The following LIPE variants were observed in gnomAD, a reference collection of about 807,000 sequenced individuals.
LIPE encodes lipase E, hormone sensitive type, also known as hormone-sensitive lipase.
LIPE carries 66 observed loss-of-function variants against 88.5 expected under a neutral mutation model. That is an observed-to-expected ratio of 0.75 (90% CI 0.61 to 0.91). LIPE has a LOEUF of 0.91. Among genes scored for constraint, LIPE ranks in the 40% least tolerant of loss-of-function variants. The pLI is 0.00. For missense variants in LIPE, 1,346 were observed against 1,434.7 expected (o/e 0.94, Z 1.00); for synonymous variants, 570 against 617.5 (o/e 0.92, Z 1.14).
chr19:42,412,695 T>C, intron 1 of LIPE: 1 of 386,316 alleles, frequency 2.6e-6, no homozygotes, highest in Non-Finnish European at 3.5e-6. Context: ...CCTTCATCCT[T>C]TAGGACCCAG....
intron 1 of LIPE, chr19:42,424,174 C>A: frequency 9.0e-7 from 1 of 1,116,010 alleles, no homozygotes; most frequent in Non-Finnish European, 1.2e-6. Flanking sequence ...CCTCTGTCTC[C>A]GCCCCCTAAT....
intron 7 of LIPE, 183 bp downstream of exon 7, chr19:42,405,974 TCTCA>T (rs1428933651): frequency 4.5e-4 from 218 of 481,296 alleles, no homozygotes; most frequent in Middle Eastern, 6.0e-4. Flanking sequence ...TCTCTCTCTC[TCTCA>T]CACACACACA....
Position 42,408,182 on chromosome 19 carries a change from G to A in LIPE, c.1510+50C>T. On this transcript the variant is annotated intron_variant, in intron 3 of 9. Transcript: ENST00000244289. This position sits in a 1 kb window ranked among gnomAD's most constrained non-coding sequence, Gnocchi z 4.3. ...GGTCAGGCTGCTTGGGCAGGAGTGG[G>A]GAGGAGGGCCAAGAGAGTAGGCTGC... 1.2e-6 allele frequency: 2 copies of A among 1,613,828 alleles called. No homozygotes were observed. The highest frequency in any genetic ancestry group is 1.7e-6 in the Non-Finnish European group (2 of 1,179,818).
chr19:42,401,981 T>A lies in LIPE; in HGVS notation c.3062A>T (p.Asp1021Val). 7 of 1,555,330 alleles carry A rather than the reference T, an allele frequency of 4.5e-6. No homozygotes were observed. The highest frequency in any genetic ancestry group is 2.4e-5 in the South Asian group (2 of 84,420). ...GQPVTLRVVE[D>V]LPHGFLTLAA... ...TAGGGTCAGGAAGCCGTGCGGCAGG[T>A]CCTCCACCACGCGCAGCGTCACCGG... Residue 1021 changes from aspartate to valine, a missense_variant, in exon 10 of 10, where the codon GAC (aspartate) becomes GTC (valine). By Grantham distance (152) the Asp-to-Val change is radical. Transcript: ENST00000244289.
rs916430169 is a variant in LIPE at position 42,413,398 on chromosome 19, G to T, written c.884-2556C>A. Among the ~76,000 whole-genome samples, 3 of 152,248 alleles carry T rather than the reference G, an allele frequency of 2.0e-5. No homozygotes were observed. In the South Asian group the frequency reaches 6.2e-4, roughly 31 times the overall value. On this transcript the variant is annotated intron_variant, in intron 1 of 9. Coordinates refer to ENST00000244289, the MANE Select transcript of LIPE (RefSeq NM_005357.4). ...TTAGGGCCTTGGGCCAGGCGTGGTGGCTCACGCCTGTAATCCCAGCATTTT... is the reference window on the plus strand; with the variant it reads ...TTAGGGCCTTGGGCCAGGCGTGGTGTCTCACGCCTGTAATCCCAGCATTTT...
chr19:42,407,247 C>T lies in LIPE; in HGVS notation c.2064G>A (p.Glu688=). 1 of 1,592,620 alleles carries T rather than the reference C, an allele frequency of 6.3e-7. No individual in the cohort carries two copies. Among genetic ancestry groups the T allele is most frequent in the Non-Finnish European group, 8.5e-7 (1 of 1,169,716 alleles). ...CCTCCAGCGCACGGGGGAAGGGGGC[C>T]TCAGGGGCCAGGGAGTAGTCGATGG... ...IISIDYSLAP[E]APFPRALEEC... The change falls in exon 6 of 10, where the codon GAG becomes GAA. Residue 688 remains glutamate (E), a synonymous_variant. Transcript: ENST00000244289. The surrounding 1 kb of genome is among the most constrained non-coding windows in gnomAD (Gnocchi z 5.8).
intron 1 of LIPE, among the ~76,000 whole-genome samples, chr19:42,420,700 C>T (rs1411240974): frequency 6.6e-6 from 1 of 152,128 alleles, no homozygotes; most frequent in Admixed American, 6.5e-5. Flanking sequence ...CAGGCGGTAG[C>T]ATCATTACCT....
At chr19:42,419,204 G>C (rs1438192253) in intron 1 of LIPE, among the ~76,000 whole-genome samples, 1 of 152,170 alleles carries the variant, frequency 6.6e-6, no homozygotes, top group Non-Finnish European at 1.5e-5. Flanking sequence ...CTTGAACCTG[G>C]GAGGCAGAGG....
chr19:42,420,659 T>A (rs1036755121), intron 1 of LIPE, among the ~76,000 whole-genome samples: 2 of 151,966 alleles, frequency 1.3e-5, no homozygotes, highest in African/African-American at 4.8e-5. Context: ...ACCTGGCCCT[T>A]CTCCCCACCT....
intron 1 of LIPE, among the ~76,000 whole-genome samples, chr19:42,421,604 C>G (rs1568612553): frequency 6.6e-6 from 1 of 152,216 alleles, no homozygotes; most frequent in Non-Finnish European, 1.5e-5. Flanking sequence ...AGTTTGGGCC[C>G]ACAGCAGTTG....
intron 1 of LIPE, chr19:42,412,477 A>T: frequency 1.0e-6 from 1 of 985,878 alleles, no homozygotes; most frequent in Non-Finnish European, 1.2e-6. Context: ...CCCAGGGTGT[A>T]GCCGCACAAG....
rs992266232 is a variant in LIPE at position 42,426,378 on chromosome 19, C to T, written c.772G>A (p.Val258Met). The T allele has an allele frequency of 1.5e-5, 24 of 1,614,084 alleles. No individual in the cohort carries two copies. Among genetic ancestry groups the T allele is most frequent in the Non-Finnish European group, 2.0e-5 (24 of 1,179,980 alleles). The change falls in exon 1 of 10, where the codon GTG becomes ATG. Residue 258 changes from valine to methionine, a missense_variant. Val to Met is a conservative substitution (Grantham distance 21). Transcript: ENST00000244289. ...GATTTTCCTTTGAAGCCTAGCTTCA[C>T]TCCCTGGGCCACCATTCCACCCATC... is the stretch of plus-strand genomic sequence containing the variant. The part of the protein sequence containing the change: ...ATMGGMVAQG[V>M]KLGFKGKSGY...
Position 42,408,045 on chromosome 19 carries a change from C to T in LIPE, c.1587G>A (p.Arg529=). 6.2e-7 allele frequency: 1 copy of T among 1,613,908 alleles called. No homozygotes were observed. The change falls in exon 4 of 10, where the codon CGG becomes CGA. Residue 529 remains arginine, a synonymous_variant. Coordinates refer to ENST00000244289, the MANE Select transcript of LIPE (RefSeq NM_005357.4). The surrounding 1 kb of genome is among the most constrained non-coding windows in gnomAD (Gnocchi z 4.3). ...AGTGCACGTCCAGGTTCTGTGTGAT[C>T]CGCTCAAACTCAGCCCCACGCAGCT... is the stretch of plus-strand genomic sequence containing the variant. ...DPELRGAEFE[R]ITQNLDVHFW... is the part of the protein sequence containing the mutation.
intron 1 of LIPE, chr19:42,424,164 C>T (rs908279449): frequency 6.1e-6 from 7 of 1,139,528 alleles, no homozygotes; most frequent in East Asian, 5.9e-5. Flanking sequence ...GATCTTTCTC[C>T]CTCTGTCTCC....
At chr19:42,421,483 G>C (rs901151728) in intron 1 of LIPE, among the ~76,000 whole-genome samples, 9 of 152,196 alleles carry the variant, frequency 5.9e-5, no homozygotes, top group Admixed American at 5.2e-4. Context: ...AGTAATATCT[G>C]TGTCCCCAGC....
Position 42,406,462 on chromosome 19 carries a change from C to G in LIPE, c.2138-74G>C. ...CTGGGGAGGAGGGCAGGGAGGAACT[C>G]AAGCTGGGAGAACTGGGCTCTCCAA... On this transcript the variant is annotated intron_variant, in intron 6 of 9. Transcript: ENST00000244289. This position sits in a 1 kb window ranked among gnomAD's most constrained non-coding sequence, Gnocchi z 5.7. The G allele has an allele frequency of 7.5e-7, 1 of 1,333,182 alleles. No individual in the cohort carries two copies. Among genetic ancestry groups the G allele is most frequent in the Non-Finnish European group, 1.1e-6 (1 of 940,354 alleles). The allele number at this position is 1,333,182 out of a possible 1,614,324, so 82.6% of individuals were successfully genotyped here.
Position 42,406,142 on chromosome 19 carries a change from C to T in LIPE, c.2365+19G>A. ...ACATCCATGCAGTCCTGTTTCCCTG[C>T]TGAGGGTGTGGGCCTCACCAGCATA... On this transcript the variant is annotated intron_variant, in intron 7 of 9. Coordinates refer to ENST00000244289, the MANE Select transcript of LIPE (RefSeq NM_005357.4). The surrounding 1 kb of genome is among the most constrained non-coding windows in gnomAD (Gnocchi z 5.7). 1 of 1,580,804 alleles carries T rather than the reference C, an allele frequency of 6.3e-7. No homozygotes were observed. Among genetic ancestry groups the T allele is most frequent in the Non-Finnish European group, 8.7e-7 (1 of 1,153,604 alleles).
At chr19:42,425,064 C>T in intron 1 of LIPE, 1 of 211,866 alleles carries the variant, frequency 4.7e-6, no homozygotes, top group Non-Finnish European at 9.7e-6. Context: ...CAAGGCCCTT[C>T]CGCCTGGCTG....
intron 1 of LIPE, among the ~76,000 whole-genome samples, chr19:42,413,650 A>G (rs2040430150): frequency 1.3e-5 from 2 of 152,122 alleles, no homozygotes; most frequent in African/African-American, 4.8e-5. Context: ...TGGGTGACAG[A>G]GCGAGACTCT....
Sources: allele counts gnomAD v4.1 joint callset (sites outside exome capture counted in the v4.1 genomes callset), GRCh38; gene constraint gnomAD v4.1.1; non-coding constraint Gnocchi (gnomAD v3.1); transcripts MANE v1.5; gene names NCBI Gene and HGNC (gene_info 2026-07-23, HGNC 2026-07-21).